Variants in GANC observed in about 807,000 individuals in gnomAD.
The protein encoded by GANC is neutral alpha-glucosidase C.
A neutral mutation model predicts 124.2 loss-of-function variants in GANC; 117 were observed. That is an observed-to-expected ratio of 0.94 (90% CI 0.81 to 1.10). The LOEUF is 1.10. GANC is among the 50% of genes least tolerant of loss of function. GANC has a pLI of 0.00. For missense variants in GANC, 1,140 were observed against 1,095.0 expected (o/e 1.04, Z -0.58); for synonymous variants, 377 against 376.8 (o/e 1.00, Z -0.01).
At chr15:42,320,710 A>G (rs924997478) in intron 10 of GANC, among the ~76,000 whole-genome samples, 13 of 152,096 alleles carry the variant, frequency 8.5e-5, no homozygotes, top group African/African-American at 3.1e-4. Context: ...CGGCCTCCCA[A>G]AGTGCTGGGA....
intron 19 of GANC, among the ~76,000 whole-genome samples, chr15:42,345,268 C>A (rs1566962150): frequency 3.3e-5 from 5 of 149,894 alleles, no homozygotes. Context: ...TTTTTCCTCC[C>A]AGATATGTTT....
chr15:42,337,300 A>ATAC (rs2052290301), intron 15 of GANC, among the ~76,000 whole-genome samples: 1 of 152,254 alleles, frequency 6.6e-6, no homozygotes, highest in African/African-American at 2.4e-5. Flanking sequence ...AATACTATGC[A>ATAC]GCCATAAAAA....
At chr15:42,345,918 G>C in intron 20 of GANC, 86 bp downstream of exon 20, 1 of 909,388 alleles carries the variant, frequency 1.1e-6, no homozygotes, top group South Asian at 1.5e-5. Context: ...CAGACTGGGT[G>C]GTTTTACCCA....
At chr15:42,329,593 G>T (rs1370055150) in intron 14 of GANC, 144 bp downstream of exon 14, 5 of 657,636 alleles carry the variant, frequency 7.6e-6, no homozygotes. Flanking sequence ...GTCTTAGGTA[G>T]TAGCCAATAC....
intron 23 of GANC, 34 bp downstream of exon 23, chr15:42,351,466 GT>G: frequency 2.0e-6 from 3 of 1,468,964 alleles, no homozygotes; most frequent in Non-Finnish European, 9.5e-7. Context: ...CTCACCATTT[GT>G]TTTTATAAAC....
Position 42,338,428 on chromosome 15 carries a change from A to G in GANC, c.1781A>G (p.Asn594Ser). The G allele has an allele frequency of 6.2e-7, 1 of 1,614,130 alleles. No homozygotes were observed. Among genetic ancestry groups the G allele is most frequent in the Non-Finnish European group, 8.5e-7 (1 of 1,179,976 alleles). The change falls in exon 16 of 24, where the codon AAC (asparagine) becomes AGC (serine). Residue 594 changes from asparagine (N) to serine (S), a missense_variant. By Grantham distance (46) the Asn-to-Ser change is conservative (BLOSUM62 1). Transcript: ENST00000318010. ...GGCGACAACACAGCAGAATGGAGCA[A>G]CTTGAAAATTTCTATCCCAATGTTA... is the stretch of plus-strand genomic sequence containing the variant. Reference protein sequence around the residue: ...WTGDNTAEWSNLKISIPMLLT... With the variant: ...WTGDNTAEWSSLKISIPMLLT...
chr15:42,351,488 G>A, intron 23 of GANC, 56 bp downstream of exon 23: 1 of 1,230,634 alleles, frequency 8.1e-7, no homozygotes. Context: ...AGAAGTATCT[G>A]CAGTGAGATG....
chr15:42,330,769 C>CTTTTTTTTT, intron 15 of GANC, 97 bp downstream of exon 15: 2 of 365,350 alleles, frequency 5.5e-6, no homozygotes, highest in South Asian at 4.6e-5. Context: ...CCTTCCTTTT[C>CTTTTTTTTT]CTTTTTTTTT....
At chr15:42,327,471 A>G (rs770447189) in intron 13 of GANC, 29 bp downstream of exon 13, 4 of 1,498,920 alleles carry the variant, frequency 2.7e-6, no homozygotes, top group Non-Finnish European at 3.7e-6. Context: ...GTTCTTTTCT[A>G]GTTACCTGAA....
Position 42,326,413 on chromosome 15 carries a change from TG to T in GANC, c.1410del (p.Cys471ValfsTer42), listed in dbSNP as rs762794043. The T allele has an allele frequency of 3.7e-6, 6 of 1,613,800 alleles. No individual in the cohort carries two copies. The Admixed American group carries it at 6.7e-5, about 18-fold the overall frequency. On this transcript the variant is annotated frameshift_variant, in exon 12 of 24. Coordinates refer to ENST00000318010, the MANE Select transcript of GANC (RefSeq NM_198141.3). LOFTEE classifies it high-confidence loss of function. Reference protein sequence around the residue: ...KNQEGEDFEGVCWPGLSSYLD... With the variant: ...KNQEGEDFEGXCWPGLSSYLD... Reference sequence around the variant, plus strand: ...CAGGAAGGGGAAGACTTTGAAGGGGTGTGTTGGCCAGGTATGAAATCACTTT... The same window carrying T: ...CAGGAAGGGGAAGACTTTGAAGGGGTTGTTGGCCAGGTATGAAATCACTTT...
At chr15:42,294,574 C>CAAAAAA (rs34588821) in intron 5 of GANC, among the ~76,000 whole-genome samples, 3 of 119,318 alleles carry the variant, frequency 2.5e-5, no homozygotes, top group African/African-American at 1.0e-4. Flanking sequence ...GACTCTGTCT[C>CAAAAAA]AAAAAAAAAA....
Position 42,310,403 on chromosome 15 carries a change from T to A in GANC, c.843T>A (p.Gly281=). 6.2e-7 allele frequency: 1 copy of A among 1,613,768 alleles called. No homozygotes were observed. Among genetic ancestry groups the A allele is most frequent in the South Asian group, 1.1e-5 (1 of 91,058 alleles). ...LLAHKLGRTI[G]IFWLNASETL... is the part of the protein sequence containing the mutation. ...CCCACAAACTGGGCAGAACTATAGGTATTTTCTGGCTGAATGCCTCGGAAA... is the reference window on the plus strand; with the variant it reads ...CCCACAAACTGGGCAGAACTATAGGAATTTTCTGGCTGAATGCCTCGGAAA... The change falls in exon 9 of 24, where the codon GGT becomes GGA. Residue 281 remains glycine, a synonymous_variant. Coordinates refer to ENST00000318010, the MANE Select transcript of GANC (RefSeq NM_198141.3).
chr15:42,341,856 G>A (rs2052331248), intron 18 of GANC, among the ~76,000 whole-genome samples: 1 of 152,012 alleles, frequency 6.6e-6, no homozygotes, highest in African/African-American at 2.4e-5. Flanking sequence ...GAGCTACCAC[G>A]CCCAGCCCCG....
chr15:42,311,662 G>A (rs1166131211), intron 10 of GANC, among the ~76,000 whole-genome samples: 1 of 152,106 alleles, frequency 6.6e-6, no homozygotes, highest in Non-Finnish European at 1.5e-5. Flanking sequence ...AATAAAGAGA[G>A]GGAGGAGGTG....
chr15:42,284,221 CTGTT>C (rs1446800582), intron 3 of GANC: 15 of 577,226 alleles, frequency 2.6e-5, no homozygotes, highest in African/African-American at 2.2e-4. Flanking sequence ...TGTTCTAGGG[CTGTT>C]TGTTAATTCT....
intron 10 of GANC, among the ~76,000 whole-genome samples, chr15:42,311,679 A>T (rs1254186463): frequency 6.6e-6 from 1 of 152,096 alleles, no homozygotes; most frequent in Non-Finnish European, 1.5e-5. Flanking sequence ...GGTGCCACAC[A>T]CTTTTAAACA....
At chr15:42,329,940 C>T (rs1213898734) in intron 14 of GANC, among the ~76,000 whole-genome samples, 3 of 152,178 alleles carry the variant, frequency 2.0e-5, no homozygotes, top group Admixed American at 6.5e-5. Flanking sequence ...ACTTAGCTTC[C>T]TCAATAAAGG....
In GANC at chr15:42,346,327, C is replaced by G. The variant is rs375264210; in HGVS notation, c.2304+495C>G. 2.8e-4 allele frequency among the ~76,000 whole-genome samples: 43 copies of G among 152,174 alleles called. 1 individual carries two copies. Among genetic ancestry groups the G allele is most frequent in the Middle Eastern group, 6.8e-3 (2 of 294 alleles). ...ATATGCATAGAGACAGAAGGTAGGT[C>G]CGGGGGTGCCTAGTGCTGGGGCAGA... On this transcript the variant is annotated intron_variant, in intron 20 of 23. Transcript: ENST00000318010.
At chr15:42,343,456 T>C in intron 19 of GANC, 1 of 341,254 alleles carries the variant, frequency 2.9e-6, no homozygotes, top group South Asian at 3.4e-5. Context: ...GGAAGAAATC[T>C]TCAGTCTGCT....
Sources: allele counts gnomAD v4.1 joint callset (sites outside exome capture counted in the v4.1 genomes callset), GRCh38; gene constraint gnomAD v4.1.1; transcripts MANE v1.5; gene names NCBI Gene and HGNC (gene_info 2026-07-23, HGNC 2026-07-21).